The following RTN1 variants were observed in gnomAD, a reference collection of about 807,000 sequenced individuals.
The protein encoded by RTN1 is reticulon 1.
Under a neutral mutation model 65.5 loss-of-function variants are expected in RTN1, and 25 were observed. That is an observed-to-expected ratio of 0.38 (90% CI 0.28 to 0.53). The LOEUF (loss-of-function observed/expected upper bound fraction) is 0.53, where lower values mean the gene tolerates loss of function less well. Among genes scored for constraint, RTN1 ranks in the 20% least tolerant of loss-of-function variants. The pLI, the probability that RTN1 is intolerant of heterozygous loss-of-function variation, is 0.79. For synonymous variants in RTN1, 471 were observed against 447.6 expected (o/e 1.05, Z -0.66); for missense variants, 983 against 1,025.4 (o/e 0.96, Z 0.57).
At chr14:59,629,356 C>T (rs1162358783) in intron 3 of RTN1, among the ~76,000 whole-genome samples, 1 of 152,164 alleles carries the variant, frequency 6.6e-6, no homozygotes, top group African/African-American at 2.4e-5. Context: ...CAAAACCCTA[C>T]AGAGGCATTA....
intron 1 of RTN1, among the ~76,000 whole-genome samples, chr14:59,758,083 C>T (rs971496082): frequency 2.6e-5 from 4 of 152,028 alleles, no homozygotes; most frequent in Admixed American, 6.6e-5. Flanking sequence ...GATCCTTTTA[C>T]TGTCTACACA....
At chr14:59,815,833 C>T (rs114423590) in intron 1 of RTN1, among the ~76,000 whole-genome samples, 2,406 of 152,266 alleles carry the variant, frequency 0.016, 63 homozygotes, top group African/African-American at 0.054. Context: ...TTACTGATTC[C>T]CATCCCTTGA....
At chr14:59,654,279 C>T (rs570401464) in intron 3 of RTN1, among the ~76,000 whole-genome samples, 1 of 151,904 alleles carries the variant, frequency 6.6e-6, no homozygotes, top group East Asian at 1.9e-4. Flanking sequence ...TACAAAAAAA[C>T]AAGCCAGACA....
intron 3 of RTN1, among the ~76,000 whole-genome samples, chr14:59,612,823 T>G (rs1175685129): frequency 6.6e-6 from 1 of 152,208 alleles, no homozygotes; most frequent in Non-Finnish European, 1.5e-5. Flanking sequence ...CCTAAAAATT[T>G]TTCTTGGGCA....
At chr14:59,642,562 G>T (rs773418928) in intron 3 of RTN1, among the ~76,000 whole-genome samples, 2 of 151,920 alleles carry the variant, frequency 1.3e-5, no homozygotes, top group Admixed American at 1.3e-4. Context: ...CTATCTTTGA[G>T]TTTACTAATT....
At chr14:59,624,465 CTT>C (rs113013375) in intron 3 of RTN1, among the ~76,000 whole-genome samples, 17 of 141,916 alleles carry the variant, frequency 1.2e-4, no homozygotes, top group Non-Finnish European at 1.2e-4. Context: ...ATTTTCTTTT[CTT>C]TTTTTTTTTT....
intron 3 of RTN1, among the ~76,000 whole-genome samples, chr14:59,714,219 G>C (rs1365619887): frequency 6.7e-6 from 1 of 148,236 alleles, no homozygotes; most frequent in African/African-American, 2.5e-5. Context: ...AAGTGACAGA[G>C]TGAGACTCCG....
rs68098978 is a variant in RTN1 at position 59,606,103 on chromosome 14, G to GATATATATATATATATATAT, written c.1974-617_1974-598dup. On this transcript the variant is annotated intron_variant, in intron 4 of 8. Transcript: ENST00000267484. ...TTTAATTCTTGGGTGGGAAAAACAT[G>GATATATATATATATATATAT]ATATATATATATATATATATATATC... 12 of 127,284 alleles carry GATATATATATATATATATAT rather than the reference G, an allele frequency of 9.4e-5. 1 individual carries two copies. Among genetic ancestry groups the GATATATATATATATATATAT allele is most frequent in the African/African-American group, 4.7e-4 (12 of 25,578 alleles). The allele number at this position is 127,284 out of a possible 1,614,324, so 7.9% of individuals were successfully genotyped here.
At chr14:59,761,456 G>A (rs1885746745) in intron 1 of RTN1, among the ~76,000 whole-genome samples, 1 of 152,168 alleles carries the variant, frequency 6.6e-6, no homozygotes, top group Admixed American at 6.5e-5. Flanking sequence ...CTCCTCATTT[G>A]CCTTCTGCTA....
intron 1 of RTN1, among the ~76,000 whole-genome samples, chr14:59,828,331 G>A (rs551403357): frequency 2.4e-4 from 37 of 152,334 alleles, no homozygotes; most frequent in African/African-American, 5.5e-4. Flanking sequence ...GAGAGGAAGA[G>A]AGAGCCTGAG....
chr14:59,869,629 A>C (rs1594774298), intron 1 of RTN1, among the ~76,000 whole-genome samples: 2 of 141,222 alleles, frequency 1.4e-5, no homozygotes, highest in African/African-American at 2.6e-5. Flanking sequence ...ACGTCCACTC[A>C]CCACCACCCA....
chr14:59,807,319 C>T (rs1393289415), intron 1 of RTN1, among the ~76,000 whole-genome samples: 1 of 152,198 alleles, frequency 6.6e-6, no homozygotes, highest in Non-Finnish European at 1.5e-5. Context: ...CGGTCTAGAA[C>T]TGCTAGAAGA....
intron 1 of RTN1, among the ~76,000 whole-genome samples, chr14:59,760,812 G>A (rs763668762): frequency 6.6e-6 from 1 of 152,162 alleles, no homozygotes; most frequent in Non-Finnish European, 1.5e-5. Context: ...AGTACTTATG[G>A]AACACATCAA....
At chr14:59,723,469 C>T (rs1296122399) in intron 3 of RTN1, among the ~76,000 whole-genome samples, 1 of 151,450 alleles carries the variant, frequency 6.6e-6, no homozygotes, top group Non-Finnish European at 1.5e-5. Context: ...AAAAAATTAG[C>T]CGGGCGTGGT....
At chr14:59,731,653 C>T (rs1884898926) in intron 2 of RTN1, among the ~76,000 whole-genome samples, 2 of 152,040 alleles carry the variant, frequency 1.3e-5, no homozygotes, top group South Asian at 2.1e-4. Flanking sequence ...CTGGATTGTA[C>T]CCTTACTGCT....
At chr14:59,606,899 G>A (rs1264638723) in intron 4 of RTN1, among the ~76,000 whole-genome samples, 4 of 152,154 alleles carry the variant, frequency 2.6e-5, no homozygotes, top group South Asian at 2.1e-4. Context: ...TCCTGGTTTC[G>A]TGCTATTTAC....
At chr14:59,721,273 C>G (rs759917397) in intron 3 of RTN1, among the ~76,000 whole-genome samples, 1 of 152,208 alleles carries the variant, frequency 6.6e-6, no homozygotes, top group African/African-American at 2.4e-5. Flanking sequence ...AGCTGCTATA[C>G]ACAGAGGAGG....
At chr14:59,628,969 G>T (rs1276564455) in intron 3 of RTN1, among the ~76,000 whole-genome samples, 1 of 152,148 alleles carries the variant, frequency 6.6e-6, no homozygotes, top group East Asian at 1.9e-4. Context: ...AACTAAATTT[G>T]ATCTTATACC....
chr14:59,778,443 G>A (rs1566723959), intron 1 of RTN1, among the ~76,000 whole-genome samples: 3 of 152,132 alleles, frequency 2.0e-5, no homozygotes. Flanking sequence ...TAAATGATTT[G>A]TCCAAGTCGC....
Sources: gnomAD v4.1 joint callset for allele counts (sites outside exome capture counted in the v4.1 genomes callset) on GRCh38, gnomAD v4.1.1 for gene constraint, MANE v1.5 for transcripts, NCBI Gene and HGNC (gene_info 2026-07-23, HGNC 2026-07-21) for gene names.